MYOCD: variants seen among roughly 807,000 people sequenced by gnomAD.
MYOCD encodes myocardin.
MYOCD carries 32 observed loss-of-function variants against 96.1 expected under a neutral mutation model. That is an observed-to-expected ratio of 0.33 (90% CI 0.25 to 0.45). The LOEUF is 0.45. Among genes scored for constraint, MYOCD ranks in the 20% least tolerant of loss-of-function variants. MYOCD has a pLI of 1.00. For missense variants in MYOCD, 1,133 were observed against 1,200.6 expected (o/e 0.94, Z 0.83); for synonymous variants, 469 against 469.0 (o/e 1.00, Z 0.00).
At chr17:12,672,377 G>C (rs928581203) in intron 1 of MYOCD, among the ~76,000 whole-genome samples, 13 of 152,144 alleles carry the variant, frequency 8.5e-5, no homozygotes, top group Admixed American at 6.5e-5. Flanking sequence ...GCAGCCTTAC[G>C]ACGTTAGTAC....
At chr17:12,745,801 TCTG>T (rs1304246623) in intron 8 of MYOCD, 115 bp from the exon 9 acceptor site, 4 of 1,047,642 alleles carry the variant, frequency 3.8e-6, no homozygotes, top group Non-Finnish European at 5.7e-6. Context: ...CCTGGTCTCT[TCTG>T]CTGGTTTATT....
intron 5 of MYOCD, among the ~76,000 whole-genome samples, chr17:12,732,454 A>G (rs2032203925): frequency 6.6e-6 from 1 of 152,140 alleles, no homozygotes; most frequent in Non-Finnish European, 1.5e-5. Context: ...CTTCTTGGAC[A>G]ACTTCGCATC....
In MYOCD at chr17:12,768,172, C is replaced by G. The variant is rs993708406; in HGVS notation, c.*4528C>G. On this transcript the variant is annotated 3_prime_UTR_variant, in exon 14 of 14. Transcript: ENST00000425538. ...TAGACAGATGATACTGATAGACACA[C>G]AGAGCCCAGGTCCTGGAACAAGACA... 5 of 152,152 alleles carry G rather than the reference C, an allele frequency of 3.3e-5. No homozygotes were observed. Among genetic ancestry groups the G allele is most frequent in the African/African-American group, 9.7e-5 (4 of 41,436 alleles). The allele number at this position is 152,152 out of a possible 1,614,324, so 9.4% of individuals were successfully genotyped here.
chr17:12,748,758 T>C (rs939258935), intron 9 of MYOCD, among the ~76,000 whole-genome samples: 2 of 152,328 alleles, frequency 1.3e-5, no homozygotes, highest in African/African-American at 4.8e-5. Context: ...CAATTTTAAG[T>C]AATTCAAAAT....
chr17:12,707,969 G>A (rs913413070), intron 2 of MYOCD, among the ~76,000 whole-genome samples: 7 of 152,042 alleles, frequency 4.6e-5, no homozygotes, highest in Non-Finnish European at 8.8e-5. Context: ...GTGTGTGTGT[G>A]TATACATATA....
chr17:12,717,206 A>C (rs2031673165), intron 3 of MYOCD, 140 bp from the exon 4 acceptor site: 2 of 632,192 alleles, frequency 3.2e-6, no homozygotes, highest in Admixed American at 2.9e-5. Context: ...GTCTTTGGAA[A>C]TGTTCCTTCA....
intron 4 of MYOCD, 110 bp downstream of exon 4, chr17:12,717,531 C>A: frequency 2.3e-6 from 2 of 869,156 alleles, no homozygotes; most frequent in South Asian, 1.7e-5. Flanking sequence ...ATCTCCCTTG[C>A]CGTTACAAAG....
At chr17:12,713,824 C>A (rs773476074) in intron 2 of MYOCD, among the ~76,000 whole-genome samples, 2 of 152,056 alleles carry the variant, frequency 1.3e-5, no homozygotes, top group Non-Finnish European at 2.9e-5. Context: ...AATGCATGCG[C>A]AACACAGGAC....
chr17:12,751,675 T>C (rs571120111), intron 9 of MYOCD, among the ~76,000 whole-genome samples: 6 of 152,344 alleles, frequency 3.9e-5, no homozygotes, highest in South Asian at 2.1e-4. Context: ...ATTTCCTCCA[T>C]TTCCCAGAAG....
intron 1 of MYOCD, among the ~76,000 whole-genome samples, chr17:12,674,341 T>G: frequency 6.6e-6 from 1 of 152,240 alleles, no homozygotes; most frequent in African/African-American, 2.4e-5. Context: ...ATCCAATTAC[T>G]GCTATCGTCC....
intron 1 of MYOCD, among the ~76,000 whole-genome samples, chr17:12,677,448 C>T (rs1209440999): frequency 1.3e-5 from 2 of 152,086 alleles, no homozygotes; most frequent in Admixed American, 1.3e-4. Context: ...CACAGTGGCT[C>T]ACGCCTGTAA....
At chr17:12,747,964 A>G (rs1379355049) in intron 9 of MYOCD, among the ~76,000 whole-genome samples, 3 of 151,660 alleles carry the variant, frequency 2.0e-5, no homozygotes, top group Non-Finnish European at 4.4e-5. Context: ...AGAGATCAAG[A>G]CCAGCCTGAC....
At chr17:12,740,364 T>C (rs2032471657) in intron 7 of MYOCD, among the ~76,000 whole-genome samples, 1 of 152,174 alleles carries the variant, frequency 6.6e-6, no homozygotes, top group African/African-American at 2.4e-5. Context: ...ATTACATAAT[T>C]CTTACGCCTC....
intron 1 of MYOCD, among the ~76,000 whole-genome samples, chr17:12,696,794 G>A (rs1422312315): frequency 6.6e-6 from 1 of 152,104 alleles, no homozygotes; most frequent in Non-Finnish European, 1.5e-5. Flanking sequence ...TTGATTGTAC[G>A]CTAACATCGT....
chr17:12,699,955 G>T (rs1405602954), intron 1 of MYOCD, among the ~76,000 whole-genome samples: 1 of 138,832 alleles, frequency 7.2e-6, no homozygotes, highest in African/African-American at 2.8e-5. Flanking sequence ...TGTCACCCAG[G>T]CTGGAGTGCA....
At chr17:12,716,977 T>C (rs12945918) in intron 3 of MYOCD, among the ~76,000 whole-genome samples, 107,597 of 137,204 alleles carry the variant, frequency 0.78, 41,541 homozygotes, top group East Asian at 0.8. Flanking sequence ...ATGACAGAGA[T>C]GCTGTCTCAA....
intron 1 of MYOCD, among the ~76,000 whole-genome samples, chr17:12,666,482 A>C (rs1426684873): frequency 6.6e-6 from 1 of 152,064 alleles, no homozygotes; most frequent in Non-Finnish European, 1.5e-5. Flanking sequence ...CAATCCTTTT[A>C]TTTTATTTTC....
chr17:12,676,027 C>T (rs143596321), intron 1 of MYOCD, among the ~76,000 whole-genome samples: 1 of 152,098 alleles, frequency 6.6e-6, no homozygotes, highest in African/African-American at 2.4e-5. Flanking sequence ...TTCGTATCTA[C>T]ATAATTTTTA....
In MYOCD at chr17:12,758,203, C is replaced by G; in HGVS notation, c.2321C>G (p.Ala774Gly). The G allele has an allele frequency of 6.2e-7, 1 of 1,613,912 alleles. No homozygotes were observed. Among genetic ancestry groups the G allele is most frequent in the South Asian group, 1.1e-5 (1 of 91,078 alleles). Residue 774 changes from alanine to glycine, a missense_variant, in exon 12 of 14, where the codon GCC (alanine) becomes GGC (glycine). Transcript: ENST00000425538. ...ACACAGCCTCCATCCTATGAAGATG[C>G]CGTAAAGCAGGTAACCATGTGATTT... ...EVTQPPSYED[A>G]VKQQMTRSQQ...
Sources: allele counts gnomAD v4.1 joint callset (sites outside exome capture counted in the v4.1 genomes callset), GRCh38; gene constraint gnomAD v4.1.1; transcripts MANE v1.5; gene names NCBI Gene and HGNC (gene_info 2026-07-23, HGNC 2026-07-21).